The following MTAP variants were observed in gnomAD, a reference collection of about 807,000 sequenced individuals.
MTAP encodes the protein methylthioadenosine phosphorylase.
MTAP carries 33 observed loss-of-function variants against 33.6 expected under a neutral mutation model. That is an observed-to-expected ratio of 0.98 (90% confidence interval 0.74 to 1.31). The LOEUF (loss-of-function observed/expected upper bound fraction) is 1.31, where lower values mean the gene tolerates loss of function less well. Ranked by LOEUF, MTAP falls within the 40% of genes most tolerant of loss-of-function variation. The pLI is 0.00. For synonymous variants in MTAP, 148 were observed against 125.7 expected, an observed-to-expected ratio of 1.18 and a Z score of -1.19; for missense variants, 367 against 360.0, an observed-to-expected ratio of 1.02 and a Z score of -0.16.
chr9:21,914,217 G>A (rs1280775804), intron 1 of MTAP, among the ~76,000 whole-genome samples: 2 of 152,228 alleles, frequency 1.3e-5, no homozygotes, highest in Non-Finnish European at 1.5e-5. Context: ...GTGGAAGACA[G>A]TGTGGCGATT....
At chr9:21,826,771 G>A (rs1824820451) in intron 4 of MTAP, among the ~76,000 whole-genome samples, 1 of 151,996 alleles carries the variant, frequency 6.6e-6, no homozygotes. Context: ...GGAAAGTGGT[G>A]GTCTCTAGGT....
intron 4 of MTAP, among the ~76,000 whole-genome samples, chr9:21,837,128 CTT>C (rs1825129913): frequency 7.3e-6 from 1 of 137,108 alleles, no homozygotes; most frequent in Admixed American, 7.9e-5. Context: ...TTTAGCCTCT[CTT>C]ATGGATTCAA....
chr9:21,858,222 T>C (rs1025355363), intron 6 of MTAP, among the ~76,000 whole-genome samples: 1 of 152,202 alleles, frequency 6.6e-6, no homozygotes, highest in African/African-American at 2.4e-5. Flanking sequence ...TTGTAATCCC[T>C]TCGGCTGTGG....
At position 21,854,404 on chromosome 9, in the gene MTAP, T is replaced by A. The variant is rs534963984; in HGVS notation, c.451-227T>A. On this transcript the variant is annotated intron_variant, in intron 5 of 7. Transcript: ENST00000644715. ...GTGCTTGCTTGTGTAGCTATTAGTT[T>A]CTACATGCAAAGGGCTGGGGAAACA... is the stretch of plus-strand genomic sequence containing the variant. 2.8e-4 allele frequency among the ~76,000 whole-genome samples: 43 copies of A among 152,326 alleles called. No homozygotes were observed. The East Asian group carries it at 6.6e-3, about 23-fold the overall frequency.
At chr9:21,880,050 G>A (rs1364524256) in intron 1 of MTAP, among the ~76,000 whole-genome samples, 2 of 152,074 alleles carry the variant, frequency 1.3e-5, no homozygotes, top group Non-Finnish European at 2.9e-5. Context: ...AGAGTTCTGT[G>A]TATTCCAACA....
chr9:21,871,499 G>C (rs151007228), downstream of MTAP, among the ~76,000 whole-genome samples: 41 of 152,248 alleles, frequency 2.7e-4, no homozygotes, highest in African/African-American at 8.9e-4. Context: ...ATAATTGTCT[G>C]ATTCATTGTG....
downstream of MTAP, chr9:21,940,933 G>T: frequency 1.1e-6 from 1 of 906,480 alleles, no homozygotes; most frequent in Non-Finnish European, 1.3e-6. Context: ...AGTGGAAAGG[G>T]GTGCTAAAAG....
downstream of MTAP, among the ~76,000 whole-genome samples, chr9:21,938,296 C>T (rs1316553835): frequency 6.6e-6 from 1 of 150,746 alleles, no homozygotes; most frequent in Non-Finnish European, 1.5e-5. Flanking sequence ...AAAAATTAGC[C>T]TAACATGGTG....
At chr9:21,805,033 C>A (rs993911654) in intron 1 of MTAP, among the ~76,000 whole-genome samples, 1 of 152,212 alleles carries the variant, frequency 6.6e-6, no homozygotes, top group Non-Finnish European at 1.5e-5. Context: ...CCACTGCACA[C>A]CACCCAGGTA....
chr9:21,840,943 T>C (rs1825227531), intron 5 of MTAP, among the ~76,000 whole-genome samples: 1 of 152,142 alleles, frequency 6.6e-6, no homozygotes, highest in Non-Finnish European at 1.5e-5. Flanking sequence ...AACTGCATAG[T>C]AGCTGGATGA....
At chr9:21,898,414 G>A (rs1282381031) in intron 1 of MTAP, among the ~76,000 whole-genome samples, 2 of 152,164 alleles carry the variant, frequency 1.3e-5, no homozygotes, top group Admixed American at 6.5e-5. Context: ...CTTCTGCATA[G>A]CAAAAGAAAC....
chr9:21,899,289 A>G (rs1818349023), intron 1 of MTAP, among the ~76,000 whole-genome samples: 1 of 151,738 alleles, frequency 6.6e-6, no homozygotes, highest in Non-Finnish European at 1.5e-5. Context: ...TGTAAATGAC[A>G]AGTTAACGGG....
chr9:21,928,763 CATGGGTGGACCTCTT>C (rs1330915054), intron 1 of MTAP, among the ~76,000 whole-genome samples: 1 of 152,052 alleles, frequency 6.6e-6, no homozygotes, highest in Non-Finnish European at 1.5e-5. Flanking sequence ...AAATAGCAGT[CATGGGTGGACCTCTT>C]ACCTTTAACC....
intron 1 of MTAP, among the ~76,000 whole-genome samples, chr9:21,901,792 C>A (rs1249129648): frequency 6.6e-6 from 1 of 152,096 alleles, no homozygotes; most frequent in African/African-American, 2.4e-5. Flanking sequence ...TATTTACAGC[C>A]AATGCCATCA....
At chr9:21,853,487 T>C (rs761557910) in intron 5 of MTAP, among the ~76,000 whole-genome samples, 2 of 152,260 alleles carry the variant, frequency 1.3e-5, no homozygotes, top group Non-Finnish European at 2.9e-5. Flanking sequence ...CTGTTTCCCA[T>C]TGCAGTGGCA....
chr9:21,889,487 TTC>T (rs1243104779), intron 1 of MTAP, among the ~76,000 whole-genome samples: 1 of 152,116 alleles, frequency 6.6e-6, no homozygotes, highest in Non-Finnish European at 1.5e-5. Context: ...CCAGAATTGT[TTC>T]TCTGTTTTCT....
intron 1 of MTAP, among the ~76,000 whole-genome samples, chr9:21,890,418 G>T (rs1393125133): frequency 6.6e-6 from 1 of 152,170 alleles, no homozygotes; most frequent in African/African-American, 2.4e-5. Context: ...CATGGCTTCT[G>T]TGCTCATATC....
chr9:21,873,012 C>T (rs1211010735), intron 1 of MTAP, among the ~76,000 whole-genome samples: 1 of 152,118 alleles, frequency 6.6e-6, no homozygotes, highest in Non-Finnish European at 1.5e-5. Context: ...ACATTGGTTC[C>T]TTGATGTTAC....
At position 21,863,770 on chromosome 9, in the gene MTAP, T is replaced by C. The variant is rs1326236249; in HGVS notation, c.*1756T>C. 1 of 985,782 alleles carries C rather than the reference T, an allele frequency of 1.0e-6. No homozygotes were observed. The highest frequency in any genetic ancestry group is 1.2e-6 in the Non-Finnish European group (1 of 829,942). 61.1% of individuals were successfully genotyped at this position (985,782 alleles called of 1,614,324 possible). On this transcript the variant is annotated 3_prime_UTR_variant, in exon 8 of 8. Transcript: ENST00000644715. ...TACAGAACCTTTTATTTAAAGAGTT[T>C]GTAAAGTCAATGTGTTTGTTTGTGT... is the stretch of plus-strand genomic sequence containing the variant.
Sources: gnomAD v4.1 joint callset for allele counts (sites outside exome capture counted in the v4.1 genomes callset) on GRCh38, gnomAD v4.1.1 for gene constraint, MANE v1.5 for transcripts, NCBI Gene and HGNC (gene_info 2026-07-23, HGNC 2026-07-21) for gene names.